Variants in AGAP3 observed in about 807,000 individuals in gnomAD.
AGAP3 encodes arf-GAP with GTPase, ANK repeat and PH domain-containing protein 3.
A neutral mutation model predicts 96.9 loss-of-function variants in AGAP3; 24 were observed. That is an observed-to-expected ratio of 0.25 (90% CI 0.18 to 0.35). AGAP3 has a LOEUF of 0.35. Among genes scored for constraint, AGAP3 ranks in the 10% least tolerant of loss-of-function variants. The probability of loss-of-function intolerance (pLI) is 1.00; values close to 1 mark genes in which losing one functional copy is unlikely to be tolerated. For missense variants in AGAP3, 876 were observed against 1,254.2 expected (o/e 0.70, Z 4.55); for synonymous variants, 563 against 536.1 (o/e 1.05, Z -0.69).
chr7:151,120,928 GCTTGGCTGGATGTTCCAGGAGT>G (rs1374178575), intron 8 of AGAP3: 1 of 960,142 alleles, frequency 1.0e-6, no homozygotes, highest in Non-Finnish European at 1.3e-6. Context: ...CTCCAGCCGG[GCTTGGCTGGATGTTCCAGGAGT>G]CTTGGGCCAG....
chr7:151,115,500 C>T, intron 1 of AGAP3: 4 of 1,021,066 alleles, frequency 3.9e-6, no homozygotes, highest in Non-Finnish European at 4.7e-6. Flanking sequence ...GCGCGCAGCG[C>T]CGGAGCCCGG....
chr7:151,111,027 C>T (rs1023220566), intron 1 of AGAP3, among the ~76,000 whole-genome samples: 2 of 152,094 alleles, frequency 1.3e-5, no homozygotes, highest in Admixed American at 1.3e-4. Flanking sequence ...TGAGCGCTCT[C>T]CCCCCGCCCC....
chr7:151,115,970 T>C (rs562469223), intron 1 of AGAP3, among the ~76,000 whole-genome samples: 1 of 152,292 alleles, frequency 6.6e-6, no homozygotes, highest in South Asian at 2.1e-4. Flanking sequence ...TAGGGACTGC[T>C]GTGGACCTGG....
intron 1 of AGAP3, among the ~76,000 whole-genome samples, chr7:151,091,868 C>T (rs912972083): frequency 4.6e-5 from 7 of 152,144 alleles, no homozygotes; most frequent in African/African-American, 7.2e-5. Flanking sequence ...TTTCCTCAAA[C>T]GTGTGCCAGG....
intron 1 of AGAP3, among the ~76,000 whole-genome samples, chr7:151,106,928 T>G (rs1241961170): frequency 6.6e-6 from 1 of 152,212 alleles, no homozygotes; most frequent in African/African-American, 2.4e-5. Flanking sequence ...CACCTGCACT[T>G]TCAGCAGCTG....
intron 1 of AGAP3, among the ~76,000 whole-genome samples, chr7:151,102,244 G>A (rs1033343415): frequency 7.9e-5 from 12 of 152,238 alleles, no homozygotes; most frequent in African/African-American, 1.9e-4. Context: ...CCAGAGCTCC[G>A]GTGAGCCTGC....
chr7:151,119,940 C>T (rs763517953), intron 7 of AGAP3, 47 bp from the exon 8 acceptor site: 1 of 1,601,242 alleles, frequency 6.2e-7, no homozygotes, highest in South Asian at 1.1e-5. Context: ...TGGTGCCCGT[C>T]CCGCCCCTGA....
chr7:151,087,343 G>A (rs753380264), intron 1 of AGAP3: 16 of 474,066 alleles, frequency 3.4e-5, no homozygotes, highest in African/African-American at 2.8e-4. Context: ...GACCAGATCT[G>A]TCCAGGCCTG....
chr7:151,098,059 C>G (rs1383100800), intron 1 of AGAP3, among the ~76,000 whole-genome samples: 1 of 152,112 alleles, frequency 6.6e-6, no homozygotes, highest in East Asian at 1.9e-4. Flanking sequence ...GATTTATAGC[C>G]TATAAGATAA....
At chr7:151,131,862 G>A (rs1800416640) in intron 10 of AGAP3, among the ~76,000 whole-genome samples, 1 of 152,190 alleles carries the variant, frequency 6.6e-6, no homozygotes, top group Non-Finnish European at 1.5e-5. Context: ...AACTGTTGCA[G>A]CTGCTGTGAC....
chr7:151,087,946 C>T (rs1417947155), intron 1 of AGAP3, among the ~76,000 whole-genome samples: 1 of 152,260 alleles, frequency 6.6e-6, no homozygotes, highest in Non-Finnish European at 1.5e-5. Context: ...GACCTTCGAG[C>T]GGGCACGGAC....
At chr7:151,123,241 C>G (rs1301290479) in intron 8 of AGAP3, 2 of 1,068,590 alleles carry the variant, frequency 1.9e-6, no homozygotes, top group Non-Finnish European at 1.1e-6. Context: ...TTGGCCTCCC[C>G]CTATTTCCTA....
chr7:151,118,379 C>G lies in AGAP3; in HGVS notation c.841+35C>G. 6.3e-7 allele frequency: 1 copy of G among 1,597,816 alleles called. No individual in the cohort carries two copies. The highest frequency in any genetic ancestry group is 8.6e-7 in the Non-Finnish European group (1 of 1,167,754). On this transcript the variant is annotated intron_variant, in intron 6 of 17. Transcript: ENST00000397238. The surrounding 1 kb of genome is among the most constrained non-coding windows in gnomAD (Gnocchi z 6.1). ...GTGCCGGGTGGGAGTCACTGGCAGC[C>G]GCGGCCCCAGTGCTGGCGATAGGAA...
intron 10 of AGAP3, among the ~76,000 whole-genome samples, chr7:151,132,154 G>A (rs1196135975): frequency 6.6e-6 from 1 of 152,208 alleles, no homozygotes; most frequent in Admixed American, 6.5e-5. Context: ...AAGGATGGAT[G>A]GAGGTACGCT....
chr7:151,132,706 A>G (rs1013768793), intron 10 of AGAP3, among the ~76,000 whole-genome samples: 3 of 152,232 alleles, frequency 2.0e-5, no homozygotes, highest in East Asian at 1.9e-4. Context: ...CGTCCAGCCC[A>G]GCCACAGAAG....
At chr7:151,120,598 GGCCTCCCCGTC>G in intron 8 of AGAP3, 1 of 1,291,416 alleles carries the variant, frequency 7.7e-7, no homozygotes, top group Non-Finnish European at 1.0e-6. Flanking sequence ...TCAGAGCCCA[GGCCTCCCCGTC>G]GCCTTCCGGC....
intron 1 of AGAP3, chr7:151,115,041 C>T (rs1799484631): frequency 4.0e-6 from 4 of 997,266 alleles, no homozygotes; most frequent in Non-Finnish European, 4.8e-6. Flanking sequence ...GGGCCTGGCG[C>T]CCTCGGGACC....
chr7:151,106,605 G>A (rs770847160), intron 1 of AGAP3, among the ~76,000 whole-genome samples: 8 of 152,102 alleles, frequency 5.3e-5, no homozygotes, highest in Non-Finnish European at 1.2e-4. Context: ...AGCCTCCGGA[G>A]TATCTGGGAT....
chr7:151,087,568 C>CGCG (rs998436956), intron 1 of AGAP3, among the ~76,000 whole-genome samples: 17 of 152,034 alleles, frequency 1.1e-4, no homozygotes, highest in Admixed American at 9.8e-4. Flanking sequence ...CCCCCTACGC[C>CGCG]GCGGCGGCCA....
Sources: allele counts gnomAD v4.1 joint callset (sites outside exome capture counted in the v4.1 genomes callset), GRCh38; gene constraint gnomAD v4.1.1; non-coding constraint Gnocchi (gnomAD v3.1); transcripts MANE v1.5; gene names NCBI Gene and HGNC (gene_info 2026-07-23, HGNC 2026-07-21).